Variants in TSHZ3 observed in about 807,000 individuals in gnomAD.
TSHZ3 encodes the protein teashirt homolog 3.
TSHZ3 carries 10 observed loss-of-function variants against 64.5 expected under a neutral mutation model. The ratio of observed to expected loss-of-function variants is 0.16; its 90% confidence interval spans 0.10 to 0.26. TSHZ3 has a LOEUF of 0.26. TSHZ3 is among the 10% of genes least tolerant of loss of function. TSHZ3 has a pLI of 1.00. For synonymous variants in TSHZ3, 608 were observed against 593.1 expected (o/e 1.03, Z -0.36); for missense variants, 1,242 against 1,421.7 (o/e 0.87, Z 2.03).
downstream of TSHZ3, among the ~76,000 whole-genome samples, chr19:31,274,140 T>C (rs1976185587): frequency 6.6e-6 from 1 of 152,126 alleles, no homozygotes; most frequent in Non-Finnish European, 1.5e-5. Flanking sequence ...TATGTGTTTT[T>C]TTTTTTAAGT....
At chr19:31,233,784 A>T (rs1448544332) in intron 3 of TSHZ3, among the ~76,000 whole-genome samples, 1 of 152,068 alleles carries the variant, frequency 6.6e-6, no homozygotes, top group Non-Finnish European at 1.5e-5. Context: ...ATTGAGGTTC[A>T]TTTTTTTTCT....
At chr19:31,295,632 C>T (rs1028605827) in intron 1 of TSHZ3, among the ~76,000 whole-genome samples, 3 of 152,118 alleles carry the variant, frequency 2.0e-5, no homozygotes, top group African/African-American at 7.2e-5. Flanking sequence ...TGGGGAAGGG[C>T]TGTGGAAATC....
chr19:31,212,078 G>A lies in TSHZ3; in HGVS notation n.687-7000C>T, dbSNP rs951888221. 3.3e-5 allele frequency among the ~76,000 whole-genome samples: 5 copies of A among 151,222 alleles called. No individual in the cohort carries two copies. The South Asian group carries it at 1.0e-3, about 32-fold the overall frequency. On this transcript the variant is annotated intron_variant and non_coding_transcript_variant, in intron 4 of 6. Transcript: ENST00000651361. ...TTTTTTTTTCTTTTTTGATACCATAGGAAATTTTGAGATAAAACCGTGAAA... is the reference window on the plus strand; with the variant it reads ...TTTTTTTTTCTTTTTTGATACCATAAGAAATTTTGAGATAAAACCGTGAAA...
intron 3 of TSHZ3, among the ~76,000 whole-genome samples, chr19:31,242,067 G>T (rs1975697883): frequency 6.6e-6 from 1 of 152,062 alleles, no homozygotes; most frequent in African/African-American, 2.4e-5. Context: ...GGATTTTTAG[G>T]CATATTTTTG....
chr19:31,338,237 G>A (rs1001718059), intron 1 of TSHZ3, among the ~76,000 whole-genome samples: 4 of 152,204 alleles, frequency 2.6e-5, no homozygotes, highest in African/African-American at 9.7e-5. Flanking sequence ...CTGCGTCCCT[G>A]AGTACTTCCA....
At chr19:31,177,733 T>G (rs1413285561) in intron 5 of TSHZ3, among the ~76,000 whole-genome samples, 1 of 152,250 alleles carries the variant, frequency 6.6e-6, no homozygotes, top group Non-Finnish European at 1.5e-5. Flanking sequence ...CCCATTTGTC[T>G]GCTGACCACA....
intron 1 of TSHZ3, among the ~76,000 whole-genome samples, chr19:31,317,220 C>G (rs2145162002): frequency 6.6e-6 from 1 of 152,294 alleles, no homozygotes; most frequent in Non-Finnish European, 1.5e-5. Flanking sequence ...CCAGCCCCAG[C>G]CAGAGCCACA....
In TSHZ3 at chr19:31,306,500, A is replaced by T. The variant is rs1034315392; in HGVS notation, c.41-26748T>A. On this transcript the variant is annotated intron_variant, in intron 1 of 1. Coordinates refer to ENST00000240587, the MANE Select transcript of TSHZ3 (RefSeq NM_020856.4). Reference sequence around the variant, plus strand: ...GGCGGCTTCCATCATTGGCTCTTTTATCTTGAGAGGGCACACGTGCACGTG... The same window carrying T: ...GGCGGCTTCCATCATTGGCTCTTTTTTCTTGAGAGGGCACACGTGCACGTG... Among the ~76,000 whole-genome samples, 4 of 152,150 alleles carry T rather than the reference A, an allele frequency of 2.6e-5. No homozygotes were observed. The South Asian group carries it at 6.2e-4, about 24-fold the overall frequency.
chr19:31,232,471 G>A (rs956628974), intron 3 of TSHZ3, among the ~76,000 whole-genome samples: 8 of 152,288 alleles, frequency 5.3e-5, no homozygotes, highest in Non-Finnish European at 1.0e-4. Context: ...TACTTGCCCA[G>A]TATTCCCACA....
intron 1 of TSHZ3, among the ~76,000 whole-genome samples, chr19:31,251,995 A>G (rs1325582051): frequency 6.6e-6 from 1 of 152,150 alleles, no homozygotes; most frequent in African/African-American, 2.4e-5. Context: ...TTTCCTCTGT[A>G]TCCCTAAGCA....
At chr19:31,167,807 C>T (rs924165012) in intron 5 of TSHZ3, 5 of 152,276 alleles carry the variant, frequency 3.3e-5, no homozygotes, top group South Asian at 2.1e-4. Context: ...TGACACTTCT[C>T]GAGGCTGATG....
intron 5 of TSHZ3, among the ~76,000 whole-genome samples, chr19:31,189,652 A>G (rs2047337): frequency 0.74 from 112,359 of 151,732 alleles, 42,632 homozygotes; most frequent in African/African-American, 0.92. Flanking sequence ...TTTTAGTACC[A>G]CTAGTTCTAT....
intron 5 of TSHZ3, among the ~76,000 whole-genome samples, chr19:31,175,311 G>A (rs1974592374): frequency 6.6e-6 from 1 of 152,178 alleles, no homozygotes; most frequent in South Asian, 2.1e-4. Context: ...ATGAAATAAA[G>A]GAGAAGCTGT....
chr19:31,317,257 G>T (rs765104023), intron 1 of TSHZ3, among the ~76,000 whole-genome samples: 1 of 152,144 alleles, frequency 6.6e-6, no homozygotes, highest in East Asian at 1.9e-4. Flanking sequence ...GCATTAAAAC[G>T]CTGATATGCT....
chr19:31,308,675 C>T (rs368576425), intron 1 of TSHZ3: 18 of 398,610 alleles, frequency 4.5e-5, no homozygotes, highest in East Asian at 3.9e-4. Flanking sequence ...CCACCCACCA[C>T]GTGCTGAGAA....
chr19:31,234,049 G>A (rs1019216328), intron 3 of TSHZ3, among the ~76,000 whole-genome samples: 2 of 151,824 alleles, frequency 1.3e-5, no homozygotes, highest in African/African-American at 4.8e-5. Context: ...CCACTAACAG[G>A]ACATGTCTTT....
intron 1 of TSHZ3, among the ~76,000 whole-genome samples, chr19:31,337,107 G>A (rs1392210353): frequency 4.9e-5 from 7 of 141,890 alleles, no homozygotes; most frequent in East Asian, 2.1e-4. Flanking sequence ...TAATTATTCC[G>A]TCTGACAATA....
intron 1 of TSHZ3, among the ~76,000 whole-genome samples, chr19:31,313,859 C>A (rs1019475462): frequency 1.3e-5 from 2 of 152,174 alleles, no homozygotes; most frequent in Non-Finnish European, 2.9e-5. Flanking sequence ...ACTGAGAGTC[C>A]GGGTACCTGC....
At chr19:31,195,516 G>C (rs1199628336) in intron 5 of TSHZ3, 1 of 151,762 alleles carries the variant, frequency 6.6e-6, no homozygotes, top group Non-Finnish European at 1.5e-5. Context: ...AAAAGTGAAG[G>C]AGAAATAGAC....
Sources: allele counts gnomAD v4.1 joint callset (sites outside exome capture counted in the v4.1 genomes callset), GRCh38; gene constraint gnomAD v4.1.1; transcripts MANE v1.5; gene names NCBI Gene and HGNC (gene_info 2026-07-23, HGNC 2026-07-21).